Variants in SLC22A23 observed in about 807,000 individuals in gnomAD.
The protein encoded by SLC22A23 is solute carrier family 22 member 23.
Under a neutral mutation model 61.0 loss-of-function variants are expected in SLC22A23, and 26 were observed. The ratio of observed to expected loss-of-function variants is 0.43; its 90% CI spans 0.31 to 0.59. SLC22A23 has a LOEUF of 0.59. SLC22A23 is among the 20% of genes least tolerant of loss of function. The pLI is 0.11. For synonymous variants in SLC22A23, 430 were observed against 413.9 expected (o/e 1.04, Z -0.47); for missense variants, 796 against 934.7 (o/e 0.85, Z 1.94).
intron 3 of SLC22A23, among the ~76,000 whole-genome samples, chr6:3,384,396 T>C (rs888331243): frequency 2.0e-5 from 3 of 152,260 alleles, no homozygotes; most frequent in Non-Finnish European, 4.4e-5. Flanking sequence ...ACGAATGCTG[T>C]AAATACTTTA....
rs10642564 is a variant in SLC22A23, at chr6:3,279,509, CAAAAAAAAAAAAA to C, written c.1703+4330_1703+4342del. ...CTGGCAACAGAGCAAGGCTCCGTCT[CAAAAAAAAAAAAA>C]AAAAAAAAAAAAAATCCTTGACATC... On this transcript the variant is annotated intron_variant, in intron 9 of 9. Coordinates refer to ENST00000406686, the MANE Select transcript of SLC22A23 (RefSeq NM_015482.2). Among the ~76,000 whole-genome samples, 106 of 36,020 alleles carry C rather than the reference CAAAAAAAAAAAAA, an allele frequency of 2.9e-3. 2 individuals are homozygous for C. The highest frequency in any genetic ancestry group is 5.6e-3 in the Non-Finnish European group (98 of 17,520). The allele number at this position is 36,020 out of a possible 152,430, so 23.6% of individuals were successfully genotyped here. A position where few individuals can be genotyped will look rare whatever the true frequency, so the allele number is the denominator to read the frequency against.
Position 3,293,216 on chromosome 6 carries a change from G to A in SLC22A23, c.1211-3350C>T, listed in dbSNP as rs557214951. On this transcript the variant is annotated intron_variant, in intron 5 of 9. Transcript: ENST00000406686. ...AAAACATCAGTTATAGAGACGGAAA[G>A]CAAGAAAAGAAAAAGGAGGAGGACA... Among the ~76,000 whole-genome samples the A allele has an allele frequency of 5.3e-5, 8 of 152,284 alleles. No individual in the cohort carries two copies. In the East Asian group the frequency reaches 1.5e-3, roughly 29 times the overall value.
At chr6:3,394,582 G>A (rs181146970) in intron 3 of SLC22A23, among the ~76,000 whole-genome samples, 17 of 152,308 alleles carry the variant, frequency 1.1e-4, no homozygotes, top group Non-Finnish European at 2.1e-4. Context: ...ACAAACTATG[G>A]TTGCTTCATG....
chr6:3,287,508 G>A (rs556562691), intron 6 of SLC22A23, among the ~76,000 whole-genome samples: 2 of 152,252 alleles, frequency 1.3e-5, no homozygotes, highest in Admixed American at 6.5e-5. Context: ...CAGCTCGCAC[G>A]AGGCTCTCGG....
intron 1 of SLC22A23, among the ~76,000 whole-genome samples, chr6:3,437,123 T>TA (rs1375254446): frequency 1.3e-5 from 2 of 152,300 alleles, no homozygotes; most frequent in Admixed American, 6.5e-5. Flanking sequence ...ATTGGTCACT[T>TA]ATCTAAGACT....
At chr6:3,334,645 T>C (rs370644672) in intron 3 of SLC22A23, among the ~76,000 whole-genome samples, 66 of 152,332 alleles carry the variant, frequency 4.3e-4, no homozygotes, top group African/African-American at 1.5e-3. Context: ...CCCACCACGG[T>C]TGGCAGAGTC....
In SLC22A23 at chr6:3,324,629, C is replaced by G. The variant is rs1008009666; in HGVS notation, c.914-627G>C. ...ACAAAAACCAACAATAAGGCTGACT[C>G]AGATCATATAGCAATGACCCTACCA... On this transcript the variant is annotated intron_variant, in intron 3 of 9. Coordinates refer to ENST00000406686, the MANE Select transcript of SLC22A23 (RefSeq NM_015482.2). The surrounding 1 kb of genome is among the most constrained non-coding windows in gnomAD (Gnocchi z 4.3). 4.6e-5 allele frequency among the ~76,000 whole-genome samples: 7 copies of G among 152,164 alleles called. No homozygotes were observed. Among genetic ancestry groups the G allele is most frequent in the Non-Finnish European group, 8.8e-5 (6 of 68,038 alleles).
At chr6:3,409,925 G>A (rs1288328025) in intron 3 of SLC22A23, among the ~76,000 whole-genome samples, 1 of 152,132 alleles carries the variant, frequency 6.6e-6, no homozygotes, top group East Asian at 1.9e-4. Flanking sequence ...GGAAAGAACC[G>A]ATCGCCACTC....
intron 1 of SLC22A23, among the ~76,000 whole-genome samples, chr6:3,431,494 C>T (rs928706666): frequency 1.3e-5 from 2 of 152,194 alleles, no homozygotes; most frequent in African/African-American, 2.4e-5. Flanking sequence ...GGGCTATTGG[C>T]CAGTCCTCAA....
chr6:3,416,845 C>A (rs979137866), intron 1 of SLC22A23, among the ~76,000 whole-genome samples: 1 of 152,200 alleles, frequency 6.6e-6, no homozygotes, highest in Admixed American at 6.5e-5. Flanking sequence ...AAGAAATTCA[C>A]GCCAATGCAT....
rs535454769 is a variant in SLC22A23 at position 3,355,079 on chromosome 6, A to C, written c.914-31077T>G. ...GTTTATAAAAACACAAACAAAAAAA[A>C]CCAGCGCCTCTCCACATGGCAGTAT... On this transcript the variant is annotated intron_variant, in intron 3 of 9. Coordinates refer to ENST00000406686, the MANE Select transcript of SLC22A23 (RefSeq NM_015482.2). Among the ~76,000 whole-genome samples, 22 of 151,982 alleles carry C rather than the reference A, an allele frequency of 1.4e-4. No individual in the cohort carries two copies. In the East Asian group the frequency reaches 3.5e-3, roughly 24 times the overall value.
chr6:3,298,775 A>T (rs1394545564), intron 4 of SLC22A23, among the ~76,000 whole-genome samples: 1 of 151,924 alleles, frequency 6.6e-6, no homozygotes, highest in Non-Finnish European at 1.5e-5. Context: ...GATCGAGACC[A>T]TCCTGGCTAA....
At position 3,269,915 on chromosome 6, in the gene SLC22A23, GTT is replaced by G. The variant is rs931169557; in HGVS notation, c.*3138_*3139del. ...TACTTCCCTTACGAGGTTTGTTTTT[GTT>G]TTCTTTCTGTTCTGTAGCCAAACCA... On this transcript the variant is annotated 3_prime_UTR_variant, in exon 10 of 10. Transcript: ENST00000406686. 1.3e-5 allele frequency: 2 copies of G among 152,818 alleles called. No individual in the cohort carries two copies. Among genetic ancestry groups the G allele is most frequent in the African/African-American group, 2.4e-5 (1 of 41,466 alleles). The allele number at this position is 152,818 out of a possible 1,614,324, so 9.5% of individuals were successfully genotyped here.
intron 3 of SLC22A23, among the ~76,000 whole-genome samples, chr6:3,406,043 G>C (rs961658440): frequency 7.9e-5 from 12 of 152,086 alleles, no homozygotes; most frequent in Admixed American, 4.6e-4. Flanking sequence ...TCATTGTTGG[G>C]GGGAAAAAAC....
At chr6:3,370,667 C>G (rs115012521) in intron 3 of SLC22A23, among the ~76,000 whole-genome samples, 23 of 152,354 alleles carry the variant, frequency 1.5e-4, no homozygotes, top group African/African-American at 5.3e-4. Flanking sequence ...CAAGTCCTCA[C>G]GATGACCTTC....
chr6:3,314,856 G>T (rs942729598), intron 4 of SLC22A23, among the ~76,000 whole-genome samples: 1 of 152,100 alleles, frequency 6.6e-6, no homozygotes, highest in South Asian at 2.1e-4. Context: ...CTCCGCGCTA[G>T]GGTTTACCTC....
intron 1 of SLC22A23, chr6:3,438,648 C>A (rs530693292): frequency 2.5e-6 from 1 of 401,074 alleles, no homozygotes; most frequent in Non-Finnish European, 4.9e-6. Context: ...TCCAAACAAA[C>A]GTTTCCTTTT....
intron 1 of SLC22A23, among the ~76,000 whole-genome samples, chr6:3,431,565 G>T (rs183793568): frequency 3.3e-5 from 5 of 152,182 alleles, no homozygotes; most frequent in Non-Finnish European, 7.3e-5. Context: ...TCAGTCCTTC[G>T]TACCTTAGTG....
chr6:3,352,759 C>G (rs1764850448), intron 3 of SLC22A23, among the ~76,000 whole-genome samples: 1 of 152,154 alleles, frequency 6.6e-6, no homozygotes, highest in African/African-American at 2.4e-5. Flanking sequence ...GTTCAAAAAG[C>G]AGAGAAATGA....
Sources: allele counts gnomAD v4.1 joint callset (sites outside exome capture counted in the v4.1 genomes callset), GRCh38; gene constraint gnomAD v4.1.1; non-coding constraint Gnocchi (gnomAD v3.1); transcripts MANE v1.5; gene names NCBI Gene and HGNC (gene_info 2026-07-23, HGNC 2026-07-21).